CDH18: variants seen among roughly 807,000 people sequenced by gnomAD.
CDH18 encodes cadherin 18.
In CDH18, 31 loss-of-function variants were observed where a neutral mutation model predicts 67.9. That is an observed-to-expected ratio of 0.46 (90% confidence interval 0.34 to 0.62). The LOEUF is 0.62. Among genes scored for constraint, CDH18 ranks in the 20% least tolerant of loss-of-function variants. The pLI is 0.01. For missense variants in CDH18, 890 were observed against 975.5 expected, an observed-to-expected ratio of 0.91 and a Z score of 1.17; for synonymous variants, 362 against 347.2, an observed-to-expected ratio of 1.04 and a Z score of -0.48.
chr5:20,070,997 G>GT (rs1554086719), intron 2 of CDH18, among the ~76,000 whole-genome samples: 1 of 151,960 alleles, frequency 6.6e-6, no homozygotes, highest in Non-Finnish European at 1.5e-5. Context: ...TTTAATGAAC[G>GT]TATTTAGCCT....
intron 2 of CDH18, among the ~76,000 whole-genome samples, chr5:20,137,396 C>T (rs1261805062): frequency 3.7e-4 from 56 of 152,072 alleles, no homozygotes; most frequent in Non-Finnish European, 4.4e-5. Flanking sequence ...CTTGTGCATG[C>T]ATCATTTAGT....
chr5:19,843,659 C>T (rs1355931857), intron 2 of CDH18, among the ~76,000 whole-genome samples: 2 of 152,210 alleles, frequency 1.3e-5, no homozygotes, highest in Non-Finnish European at 2.9e-5. Flanking sequence ...TGTAGATCCA[C>T]CAACAGCTTG....
At chr5:19,716,388 TTTATA>T (rs1158262031) in intron 5 of CDH18, among the ~76,000 whole-genome samples, 1 of 152,084 alleles carries the variant, frequency 6.6e-6, no homozygotes, top group African/African-American at 2.4e-5. Context: ...TTACGCTATA[TTTATA>T]TTATATTAAT....
chr5:19,855,196 G>T (rs1420737117), intron 2 of CDH18, among the ~76,000 whole-genome samples: 1 of 151,900 alleles, frequency 6.6e-6, no homozygotes, highest in East Asian at 1.9e-4. Context: ...CTTTCATCTT[G>T]TTCCCCTGCT....
At position 19,782,981 on chromosome 5, in the gene CDH18, T is replaced by C. The variant is rs193239167; in HGVS notation, c.229-35745A>G. Among the ~76,000 whole-genome samples the C allele has an allele frequency of 2.5e-3, 388 of 152,318 alleles. 3 individuals carry two copies. Among genetic ancestry groups the C allele is most frequent in the African/African-American group, 8.9e-3 (372 of 41,576 alleles). ...TATTTGATTTCACCAAATGTCTCTC[T>C]ACCCTTGGGAGAAGTTTAATACTTT... is the stretch of plus-strand genomic sequence containing the variant. On this transcript the variant is annotated intron_variant, in intron 3 of 12. Coordinates refer to ENST00000382275, the MANE Select transcript of CDH18 (RefSeq NM_004934.5).
chr5:20,174,137 GTTC>G (rs907594903), intron 2 of CDH18, among the ~76,000 whole-genome samples: 11 of 152,220 alleles, frequency 7.2e-5, no homozygotes, highest in African/African-American at 2.6e-4. Context: ...ACTCCTATCT[GTTC>G]TTTTTAGTTT....
chr5:20,531,109 T>G (rs1383044745), intron 1 of CDH18, among the ~76,000 whole-genome samples: 1 of 152,018 alleles, frequency 6.6e-6, no homozygotes, highest in East Asian at 1.9e-4. Flanking sequence ...AAAAGAAGAC[T>G]TTTATATGGC....
intron 5 of CDH18, among the ~76,000 whole-genome samples, chr5:19,660,656 G>T (rs755971612): frequency 6.6e-6 from 1 of 152,048 alleles, no homozygotes; most frequent in Non-Finnish European, 1.5e-5. Flanking sequence ...GAAGTTAAAT[G>T]CTTAAAGAAT....
intron 9 of CDH18, among the ~76,000 whole-genome samples, chr5:19,530,540 G>A (rs962158259): frequency 4.6e-5 from 7 of 151,966 alleles, no homozygotes; most frequent in African/African-American, 7.3e-5. Flanking sequence ...CCATTAACTC[G>A]TCATTTAGCA....
chr5:20,503,024 CACAG>C lies in CDH18; in HGVS notation c.-580+72434_-580+72437del, dbSNP rs574538889. ...TTAGAAAAAAAGGGGGTTATTCTTA[CACAG>C]ACAGAGAAAGCCAATTAGGGAACTC... On this transcript the variant is annotated intron_variant, in intron 1 of 14. Transcript: ENST00000507958. Among the ~76,000 whole-genome samples the C allele has an allele frequency of 1.7e-4, 26 of 152,146 alleles. No homozygotes were observed. In the South Asian group the frequency reaches 4.8e-3, roughly 28 times the overall value.
intron 1 of CDH18, among the ~76,000 whole-genome samples, chr5:20,366,109 C>T (rs1185828535): frequency 6.6e-6 from 1 of 152,112 alleles, no homozygotes; most frequent in Non-Finnish European, 1.5e-5. Context: ...AAATAGAAAA[C>T]ACAATAACCT....
intron 3 of CDH18, among the ~76,000 whole-genome samples, chr5:19,785,682 ATATATATATATATAT>A (rs1775695431): frequency 4.8e-5 from 1 of 20,852 alleles, no homozygotes; most frequent in African/African-American, 2.1e-4. Flanking sequence ...AAAAAAAAAT[ATATATATATATATAT>A]ATATATATAT....
intron 2 of CDH18, among the ~76,000 whole-genome samples, chr5:19,852,622 T>C (rs2149933695): frequency 6.6e-6 from 1 of 152,184 alleles, no homozygotes; most frequent in Non-Finnish European, 1.5e-5. Flanking sequence ...ATCTGGATAG[T>C]ATAAGCCATG....
rs138764093 is a variant in CDH18 at position 20,490,592 on chromosome 5, A to C, written c.-580+84870T>G. On this transcript the variant is annotated intron_variant, in intron 1 of 14. Transcript: ENST00000507958. ...AGACAGAAAAAGACTATTATAGATA[A>C]GTTGAAAATAAACCCACATTTGTTC... Among the ~76,000 whole-genome samples, 1,052 of 152,278 alleles carry C rather than the reference A, an allele frequency of 6.9e-3. 8 individuals are homozygous for C. Among genetic ancestry groups the C allele is most frequent in the African/African-American group, 0.024 (986 of 41,574 alleles).
At chr5:19,728,672 C>A (rs1036814372) in intron 4 of CDH18, among the ~76,000 whole-genome samples, 2 of 152,056 alleles carry the variant, frequency 1.3e-5, no homozygotes, top group African/African-American at 4.8e-5. Context: ...TTATACCAAG[C>A]AAATACTCTC....
intron 2 of CDH18, among the ~76,000 whole-genome samples, chr5:20,243,181 C>T (rs1321050470): frequency 6.6e-6 from 1 of 152,094 alleles, no homozygotes; most frequent in East Asian, 1.9e-4. Context: ...GAATTTGAAG[C>T]TGCCTGGAGA....
intron 6 of CDH18, among the ~76,000 whole-genome samples, chr5:19,593,707 C>CCTCCTTCTTTTTCTTCTTCTTCTTCTT: frequency 3.0e-5 from 1 of 33,402 alleles, no homozygotes; most frequent in African/African-American, 1.2e-4. Context: ...TCCTCCTCCT[C>CCTCCTTCTTTTTCTTCTTCTTCTTCTT]CTTCTTCTTC....
chr5:20,433,886 G>A (rs895489740), intron 1 of CDH18, among the ~76,000 whole-genome samples: 3 of 152,166 alleles, frequency 2.0e-5, no homozygotes, highest in South Asian at 2.1e-4. Context: ...GAGTAGAAAC[G>A]TGTATACTCT....
At chr5:20,091,272 G>T (rs1247565077) in intron 2 of CDH18, among the ~76,000 whole-genome samples, 1 of 151,838 alleles carries the variant, frequency 6.6e-6, no homozygotes, top group Non-Finnish European at 1.5e-5. Context: ...ATCTCTTGAG[G>T]CCAGGAGTAC....
Sources: gnomAD v4.1 joint callset for allele counts (sites outside exome capture counted in the v4.1 genomes callset) on GRCh38, gnomAD v4.1.1 for gene constraint, MANE v1.5 for transcripts, NCBI Gene and HGNC (gene_info 2026-07-23, HGNC 2026-07-21) for gene names.